Variants in LRIT3 observed in about 807,000 individuals in gnomAD.
LRIT3 encodes leucine-rich repeat, immunoglobulin-like domain and transmembrane domain-containing protein 3.
A neutral mutation model predicts 22.6 loss-of-function variants in LRIT3; 14 were observed. The observed-to-expected ratio is 0.62, with a 90% CI of 0.41 to 0.97. The LOEUF (loss-of-function observed/expected upper bound fraction) is 0.97, where lower values mean the gene tolerates loss of function less well. Among genes scored for constraint, LRIT3 ranks in the 50% least tolerant of loss-of-function variants. The pLI is 0.00. For missense variants in LRIT3, 783 were observed against 803.0 expected, an observed-to-expected ratio of 0.98 and a Z score of 0.30; for synonymous variants, 306 against 304.5, an observed-to-expected ratio of 1.01 and a Z score of -0.05.
Position 109,870,378 on chromosome 4 carries a change from C to T in LRIT3, c.1629C>T (p.Gly543=), listed in dbSNP as rs1265187712. 1.9e-6 allele frequency: 3 copies of T among 1,614,166 alleles called. No homozygotes were observed. Among genetic ancestry groups the T allele is most frequent in the Admixed American group, 1.7e-5 (1 of 60,018 alleles). The part of the protein sequence containing the change: ...DSSKNQVTID[G]LEPGGQYMAC... ...GCAAGAACCAAGTAACCATAGATGG[C>T]TTGGAACCCGGTGGGCAATACATGG... Residue 543 remains glycine (G), a synonymous_variant, in exon 4 of 4, where the codon GGC becomes GGT. Coordinates refer to ENST00000594814, the MANE Select transcript of LRIT3 (RefSeq NM_198506.5).
chr4:109,853,344 CT>C (rs554408572), intron 2 of LRIT3, among the ~76,000 whole-genome samples: 67 of 152,052 alleles, frequency 4.4e-4, no homozygotes, highest in African/African-American at 1.4e-3. Context: ...TGATGATGAG[CT>C]TTTTTTTCAT....
At chr4:109,850,418 C>CCTTCCTTCCTTCCTTCTTTCTTTCTTT (rs1734202907) in intron 1 of LRIT3, among the ~76,000 whole-genome samples, 1 of 28,228 alleles carries the variant, frequency 3.5e-5, no homozygotes, top group Non-Finnish European at 6.5e-5. Context: ...TTCCTTCCTT[C>CCTTCCTTCCTTCCTTCTTTCTTTCTTT]CTTCCTTTCT....
In LRIT3 at chr4:109,851,760, C is replaced by G. The variant is rs1560589668; in HGVS notation, c.373C>G (p.Leu125Val). ...NSLAAFPWAS[L>V]LDMPLLRTLD... is the part of the protein sequence containing the mutation. The stretch of plus-strand genomic sequence containing the variant: ...TCTGGCTGCTTTCCCTTGGGCATCT[C>G]TGCTGGACATGCCCCTTCTGAGGAC... The change falls in exon 2 of 4, where the codon CTG (leucine) becomes GTG (valine). Residue 125 changes from leucine (L) to valine (V), a missense_variant. Leu to Val is a conservative substitution (Grantham distance 32, BLOSUM62 1). Around this residue, in one of 2 missense-constraint regions of LRIT3, gnomAD observed 756 missense variants for 753.8 expected, o/e 1.00. Coordinates refer to ENST00000594814, the MANE Select transcript of LRIT3 (RefSeq NM_198506.5). 1 of 1,551,646 alleles carries G rather than the reference C, an allele frequency of 6.4e-7. No homozygotes were observed. The highest frequency in any genetic ancestry group is 8.7e-7 in the Non-Finnish European group (1 of 1,147,014).
intron 2 of LRIT3, among the ~76,000 whole-genome samples, chr4:109,862,650 C>A (rs1350653942): frequency 1.3e-5 from 2 of 152,150 alleles, no homozygotes; most frequent in African/African-American, 4.8e-5. Flanking sequence ...GCTCTTAAAT[C>A]TTTCCCTGTG....
intron 2 of LRIT3, among the ~76,000 whole-genome samples, chr4:109,855,464 A>G (rs1330088890): frequency 6.6e-6 from 1 of 151,764 alleles, no homozygotes; most frequent in East Asian, 1.9e-4. Flanking sequence ...CGGTCTATCA[A>G]TTTTGTTGAT....
chr4:109,848,392 G>T, intron 1 of LRIT3, 75 bp downstream of exon 1: 1 of 748,542 alleles, frequency 1.3e-6, no homozygotes, highest in Non-Finnish European at 1.8e-6. Flanking sequence ...GCCTACTTTT[G>T]AAAGCAAATG....
Position 109,851,559 on chromosome 4 carries a change from G to A in LRIT3, c.172G>A (p.Asp58Asn). The part of the protein sequence containing the change: ...MNELPTNLPV[D>N]TVKLRIEKTV... ...CGAGCTGCCTACGAACCTCCCCGTGGACACTGTGAAGCTTCGCATAGAGAA... is the reference window on the plus strand; with the variant it reads ...CGAGCTGCCTACGAACCTCCCCGTGAACACTGTGAAGCTTCGCATAGAGAA... Residue 58 changes from aspartate to asparagine, a missense_variant, in exon 2 of 4, where the codon GAC (aspartate) becomes AAC (asparagine). Asp to Asn is a conservative substitution (Grantham distance 23). Transcript: ENST00000594814. 1 of 1,551,778 alleles carries A rather than the reference G, an allele frequency of 6.4e-7. No homozygotes were observed. Among genetic ancestry groups the A allele is most frequent in the Non-Finnish European group, 8.7e-7 (1 of 1,146,944 alleles).
At position 109,851,318 on chromosome 4, in the gene LRIT3, G is replaced by T. The variant is rs1579371479; in HGVS notation, c.117-186G>T. On this transcript the variant is annotated intron_variant, in intron 1 of 3. Transcript: ENST00000594814. Reference sequence around the variant, plus strand: ...GAAGTGGTTTTCCATGGCCACAGAGGAGGTGGCAAACCTTAGACCTTGGTT... The same window carrying T: ...GAAGTGGTTTTCCATGGCCACAGAGTAGGTGGCAAACCTTAGACCTTGGTT... The T allele has an allele frequency of 4.5e-5, 31 of 683,428 alleles. No homozygotes were observed. The East Asian group carries it at 8.8e-4, about 19-fold the overall frequency. The allele number at this position is 683,428 out of a possible 1,614,324, so 42.3% of individuals were successfully genotyped here.
chr4:109,861,438 A>G (rs866051252), intron 2 of LRIT3, among the ~76,000 whole-genome samples: 1 of 151,330 alleles, frequency 6.6e-6, no homozygotes, highest in South Asian at 2.1e-4. Flanking sequence ...TCCCACTAGC[A>G]CTGCATGACA....
chr4:109,868,865 G>C (rs1560595489), intron 3 of LRIT3, among the ~76,000 whole-genome samples: 1 of 152,064 alleles, frequency 6.6e-6, no homozygotes, highest in African/African-American at 2.4e-5. Context: ...CTATATATAG[G>C]TAGTCAATGG....
chr4:109,860,755 T>G (rs981324871), intron 2 of LRIT3, among the ~76,000 whole-genome samples: 1 of 152,242 alleles, frequency 6.6e-6, no homozygotes, highest in Non-Finnish European at 1.5e-5. Context: ...ATAGGTTAAT[T>G]GTGCCTGCTC....
chr4:109,860,027 T>C (rs34752597), intron 2 of LRIT3, among the ~76,000 whole-genome samples: 259 of 152,338 alleles, frequency 1.7e-3, no homozygotes, highest in Non-Finnish European at 2.9e-3. Flanking sequence ...CCATGAATAC[T>C]TAAACTATTG....
chr4:109,867,441 G>T (rs1204760576), intron 2 of LRIT3, among the ~76,000 whole-genome samples, 200 bp from the exon 3 acceptor site: 1 of 152,152 alleles, frequency 6.6e-6, no homozygotes, highest in Non-Finnish European at 1.5e-5. Context: ...GATTATTAAT[G>T]ATCTGAACTA....
chr4:109,865,982 G>A (rs897312635), intron 2 of LRIT3, among the ~76,000 whole-genome samples: 1 of 152,018 alleles, frequency 6.6e-6, no homozygotes, highest in African/African-American at 2.4e-5. Context: ...TCAATAACTA[G>A]GTATAGATTA....
intron 2 of LRIT3, among the ~76,000 whole-genome samples, chr4:109,860,841 A>G (rs1057381107): frequency 1.3e-5 from 2 of 152,252 alleles, no homozygotes; most frequent in Non-Finnish European, 2.9e-5. Context: ...CATGTTTTTG[A>G]AAATCATCCA....
chr4:109,850,759 G>A (rs1734234746), intron 1 of LRIT3, among the ~76,000 whole-genome samples: 1 of 151,954 alleles, frequency 6.6e-6, no homozygotes, highest in African/African-American at 2.4e-5. Context: ...TTACAGCCAT[G>A]AGCCACATTG....
At position 109,851,905 on chromosome 4, in the gene LRIT3, T is replaced by C. The variant is rs1163574031; in HGVS notation, c.518T>C (p.Leu173Pro). Residue 173 changes from leucine (L) to proline (P), a missense_variant, in exon 2 of 4, where the codon CTG becomes CCG. Transcript: ENST00000594814. ...CTCACCACATTGCCACCAGATTTCC[T>C]GGAGAGCTGGACTCATTTAGTTTCA... ...NRLTTLPPDF[L>P]ESWTHLVSTP... The C allele has an allele frequency of 1.3e-6, 2 of 1,551,664 alleles. No individual in the cohort carries two copies. Among genetic ancestry groups the C allele is most frequent in the South Asian group, 2.4e-5 (2 of 84,060 alleles).
At chr4:109,865,275 G>T in intron 2 of LRIT3, 1 of 1,591,352 alleles carries the variant, frequency 6.3e-7, no homozygotes, top group Non-Finnish European at 8.6e-7. Flanking sequence ...CAGTAAAGTT[G>T]GTGAGAATGT....
At chr4:109,849,697 C>T (rs1342907132) in intron 1 of LRIT3, among the ~76,000 whole-genome samples, 3 of 152,226 alleles carry the variant, frequency 2.0e-5, no homozygotes, top group Non-Finnish European at 4.4e-5. Context: ...ACTGCAACCT[C>T]CATCTCCCGG....
Sources: gnomAD v4.1 joint callset for allele counts (sites outside exome capture counted in the v4.1 genomes callset) on GRCh38, gnomAD v4.1.1 for gene constraint, gnomAD v4.1.1 regional missense constraint, MANE v1.5 for transcripts, NCBI Gene and HGNC (gene_info 2026-07-23, HGNC 2026-07-21) for gene names.